Variants in SREK1IP1 observed in about 807,000 individuals in gnomAD.
SREK1IP1 encodes the protein SREK1 interacting protein 1.
SREK1IP1 carries 12 observed loss-of-function variants against 22.8 expected under a neutral mutation model. The ratio of observed to expected loss-of-function variants is 0.53; its 90% CI spans 0.34 to 0.85. SREK1IP1 has a LOEUF of 0.85. Ranked by LOEUF, SREK1IP1 falls within the 40% of genes least tolerant of loss-of-function variation. SREK1IP1 has a pLI of 0.02. For synonymous variants in SREK1IP1, 53 were observed against 52.7 expected, an observed-to-expected ratio of 1.01 and a Z score of -0.02; for missense variants, 147 against 171.8, an observed-to-expected ratio of 0.86 and a Z score of 0.81.
In SREK1IP1 at chr5:64,752,671, C is replaced by A. The variant is rs563647762; in HGVS notation, c.61+1644G>T. On this transcript the variant is annotated intron_variant, in intron 2 of 4. Coordinates refer to ENST00000513458, the MANE Select transcript of SREK1IP1 (RefSeq NM_173829.4). Reference sequence around the variant, plus strand: ...TTTGCAACAAAAGAGAGAGAATATTCTTTTGTAAACAATTGAAAAATACCC... The same window carrying A: ...TTTGCAACAAAAGAGAGAGAATATTATTTTGTAAACAATTGAAAAATACCC... Among the ~76,000 whole-genome samples the A allele has an allele frequency of 3.3e-5, 5 of 152,224 alleles. No homozygotes were observed. In the East Asian group the frequency reaches 9.6e-4, roughly 29 times the overall value.
chr5:64,767,718 A>G (rs1191638103), intron 1 of SREK1IP1, among the ~76,000 whole-genome samples: 2 of 152,146 alleles, frequency 1.3e-5, no homozygotes, highest in Admixed American at 6.5e-5. Context: ...TTCTATTACT[A>G]AAGTGCGCTG....
rs982068749 is a variant in SREK1IP1 at position 64,721,743 on chromosome 5, A to G, written c.*2641T>C. 1.3e-5 allele frequency: 2 copies of G among 152,178 alleles called. No individual in the cohort carries two copies. The highest frequency in any genetic ancestry group is 2.9e-5 in the Non-Finnish European group (2 of 68,022). 9.4% of individuals were successfully genotyped at this position (152,178 alleles called of 1,614,324 possible). Reference sequence around the variant, plus strand: ...TTGTAAGAATATGAACCAAATATCAATTATCTGCTTGAAGAAGTTGAACGT... The same window carrying G: ...TTGTAAGAATATGAACCAAATATCAGTTATCTGCTTGAAGAAGTTGAACGT... On this transcript the variant is annotated 3_prime_UTR_variant, in exon 5 of 5. Coordinates refer to ENST00000513458, the MANE Select transcript of SREK1IP1 (RefSeq NM_173829.4).
intron 1 of SREK1IP1, among the ~76,000 whole-genome samples, chr5:64,760,227 G>T (rs886600076): frequency 6.6e-6 from 1 of 152,140 alleles, no homozygotes; most frequent in African/African-American, 2.4e-5. Context: ...GCTGCCATTC[G>T]TATAAAAAAA....
At chr5:64,746,505 A>T (rs1373704453) in intron 2 of SREK1IP1, among the ~76,000 whole-genome samples, 1 of 152,236 alleles carries the variant, frequency 6.6e-6, no homozygotes, top group Non-Finnish European at 1.5e-5. Context: ...AACACAACCT[A>T]GTTAAAAAAT....
chr5:64,745,122 T>G (rs969600379), intron 2 of SREK1IP1, among the ~76,000 whole-genome samples: 2 of 152,250 alleles, frequency 1.3e-5, no homozygotes, highest in African/African-American at 4.8e-5. Context: ...GCTCTGACTT[T>G]GAGCTCATTT....
rs532012401 is a variant in SREK1IP1 at position 64,737,321 on chromosome 5, C to A, written c.205+3736G>T. 1.4e-4 allele frequency among the ~76,000 whole-genome samples: 21 copies of A among 151,696 alleles called. No homozygotes were observed. The Middle Eastern group carries it at 0.014, about 99-fold the overall frequency. ...TCACATATATGTAGAAATTAAACCACACACACCTGACCAACCATTGGGTCA... is the reference window on the plus strand; with the variant it reads ...TCACATATATGTAGAAATTAAACCAAACACACCTGACCAACCATTGGGTCA... On this transcript the variant is annotated intron_variant, in intron 3 of 4. Transcript: ENST00000513458.
At chr5:64,766,393 A>G (rs1178140063) in intron 1 of SREK1IP1, among the ~76,000 whole-genome samples, 1 of 152,102 alleles carries the variant, frequency 6.6e-6, no homozygotes, top group South Asian at 2.1e-4. Context: ...CCCACACTGA[A>G]TCAATCACCA....
At chr5:64,729,023 T>C (rs57517937) in intron 3 of SREK1IP1, among the ~76,000 whole-genome samples, 1,740 of 152,244 alleles carry the variant, frequency 0.011, 32 homozygotes, top group African/African-American at 0.04. Flanking sequence ...AAACCCCATT[T>C]CTACTAAAAA....
In SREK1IP1 at chr5:64,719,304, C is replaced by T. The variant is rs1742116739; in HGVS notation, c.*5080G>A. 1 of 152,190 alleles carries T rather than the reference C, an allele frequency of 6.6e-6. No individual in the cohort carries two copies. The highest frequency in any genetic ancestry group is 2.4e-5 in the African/African-American group (1 of 41,458). The allele number at this position is 152,190 out of a possible 1,614,324, so 9.4% of individuals were successfully genotyped here. A position where few individuals can be genotyped will look rare whatever the true frequency, so the allele number is the denominator to read the frequency against. On this transcript the variant is annotated 3_prime_UTR_variant, in exon 5 of 5. Coordinates refer to ENST00000513458, the MANE Select transcript of SREK1IP1 (RefSeq NM_173829.4). ...ACAACCTACTGCCAAAGTTGAACTT[C>T]ACATTCAAAAATACAATTTTGCAAA...
chr5:64,764,510 G>C (rs1404625490), intron 1 of SREK1IP1, among the ~76,000 whole-genome samples: 2 of 152,200 alleles, frequency 1.3e-5, no homozygotes, highest in East Asian at 1.9e-4. Context: ...ATGCATGAGG[G>C]GAGTGGTGGA....
intron 1 of SREK1IP1, among the ~76,000 whole-genome samples, chr5:64,760,465 TAAAATAGTGGGCCTTAATA>T (rs1416795243): frequency 6.6e-6 from 1 of 152,138 alleles, no homozygotes; most frequent in African/African-American, 2.4e-5. Flanking sequence ...TGGGCCCCAG[TAAAATAGTGGGCCTTAATA>T]AGCACATTCC....
At chr5:64,766,559 T>C (rs1358369995) in intron 1 of SREK1IP1, among the ~76,000 whole-genome samples, 3 of 152,252 alleles carry the variant, frequency 2.0e-5, no homozygotes, top group Admixed American at 2.0e-4. Context: ...GCCAGAATTA[T>C]CTTTCCAAAA....
In SREK1IP1 at chr5:64,722,956, A is replaced by G. The variant is rs1266420480; in HGVS notation, c.*1428T>C. On this transcript the variant is annotated 3_prime_UTR_variant, in exon 5 of 5. Coordinates refer to ENST00000513458, the MANE Select transcript of SREK1IP1 (RefSeq NM_173829.4). Reference sequence around the variant, plus strand: ...TTAAGTATACTTAGCTGATTTCACTATCATGAATTCACCTGCAGCCGTATC... The same window carrying G: ...TTAAGTATACTTAGCTGATTTCACTGTCATGAATTCACCTGCAGCCGTATC... 1 of 152,224 alleles carries G rather than the reference A, an allele frequency of 6.6e-6. No homozygotes were observed. The highest frequency in any genetic ancestry group is 1.5e-5 in the Non-Finnish European group (1 of 68,042). The allele number at this position is 152,224 out of a possible 1,614,324, so 9.4% of individuals were successfully genotyped here. A position where few individuals can be genotyped will look rare whatever the true frequency, so the allele number is the denominator to read the frequency against.
chr5:64,730,269 A>G (rs569992314), intron 3 of SREK1IP1, among the ~76,000 whole-genome samples: 1 of 152,360 alleles, frequency 6.6e-6, no homozygotes, highest in South Asian at 2.1e-4. Flanking sequence ...TTTGGCAAAA[A>G]GTATTTAAAG....
chr5:64,748,868 T>C (rs1742688880), intron 2 of SREK1IP1, among the ~76,000 whole-genome samples: 3 of 152,092 alleles, frequency 2.0e-5, no homozygotes, highest in Non-Finnish European at 2.9e-5. Context: ...TCTTGAATGT[T>C]AATAAAACTG....
chr5:64,731,296 A>AT (rs1230567171), intron 3 of SREK1IP1, among the ~76,000 whole-genome samples: 1 of 152,062 alleles, frequency 6.6e-6, no homozygotes, highest in African/African-American at 2.4e-5. Flanking sequence ...GGAGGATCGC[A>AT]TAAGACTCAG....
At chr5:64,756,783 C>A (rs1349656635) in intron 1 of SREK1IP1, among the ~76,000 whole-genome samples, 1 of 151,934 alleles carries the variant, frequency 6.6e-6, no homozygotes, top group East Asian at 1.9e-4. Context: ...CCCACCACCA[C>A]GCCCAGCTAA....
In SREK1IP1 at chr5:64,722,343, A is replaced by G. The variant is rs1190894864; in HGVS notation, c.*2041T>C. On this transcript the variant is annotated 3_prime_UTR_variant, in exon 5 of 5. Coordinates refer to ENST00000513458, the MANE Select transcript of SREK1IP1 (RefSeq NM_173829.4). The stretch of plus-strand genomic sequence containing the variant: ...AATGAGCCAATTTATAATCTCTACA[A>G]TTAACAGTAATAAAACTTACAAGTA... 6.6e-6 allele frequency: 1 copy of G among 152,210 alleles called. No homozygotes were observed. The highest frequency in any genetic ancestry group is 1.5e-5 in the Non-Finnish European group (1 of 68,040). 9.4% of individuals were successfully genotyped at this position (152,210 alleles called of 1,614,324 possible).
At chr5:64,735,014 A>C (rs1253410037) in intron 3 of SREK1IP1, among the ~76,000 whole-genome samples, 2 of 133,952 alleles carry the variant, frequency 1.5e-5, no homozygotes, top group Non-Finnish European at 2.9e-5. Context: ...TCAGTCTTTT[A>C]TCATTAAGTA....
Sources: gnomAD v4.1 joint callset for allele counts (sites outside exome capture counted in the v4.1 genomes callset) on GRCh38, gnomAD v4.1.1 for gene constraint, MANE v1.5 for transcripts, NCBI Gene and HGNC (gene_info 2026-07-23, HGNC 2026-07-21) for gene names.